The following DLGAP1 variants were observed in gnomAD, a reference collection of about 807,000 sequenced individuals.
DLGAP1 encodes the protein disks large-associated protein 1.
A neutral mutation model predicts 90.8 loss-of-function variants in DLGAP1; 11 were observed. The observed-to-expected ratio is 0.12, with a 90% CI of 0.08 to 0.20. The LOEUF is 0.20. DLGAP1 is among the 10% of genes least tolerant of loss of function. The pLI is 1.00. For missense variants in DLGAP1, 1,050 were observed against 1,333.8 expected (o/e 0.79, Z 3.31); for synonymous variants, 558 against 540.7 (o/e 1.03, Z -0.44).
chr18:3,807,970 AC>A (rs1221206740), intron 5 of DLGAP1, among the ~76,000 whole-genome samples: 1 of 152,162 alleles, frequency 6.6e-6, no homozygotes, highest in Non-Finnish European at 1.5e-5. Flanking sequence ...ATAGCAAGAA[AC>A]CAGGATTTGG....
At chr18:3,745,570 A>C (rs1348858972) in intron 5 of DLGAP1, among the ~76,000 whole-genome samples, 1 of 152,250 alleles carries the variant, frequency 6.6e-6, no homozygotes, top group Non-Finnish European at 1.5e-5. Flanking sequence ...CCACACGAAA[A>C]TTAAATGTGG....
intron 5 of DLGAP1, among the ~76,000 whole-genome samples, chr18:3,762,824 T>A (rs1316376349): frequency 6.6e-6 from 1 of 152,204 alleles, no homozygotes; most frequent in Non-Finnish European, 1.5e-5. Context: ...CTCTCCATAA[T>A]CTTGATGACT....
At chr18:4,106,980 G>T (rs2075879672) in intron 2 of DLGAP1, among the ~76,000 whole-genome samples, 1 of 152,186 alleles carries the variant, frequency 6.6e-6, no homozygotes, top group Non-Finnish European at 1.5e-5. Context: ...TCATGCCAAT[G>T]AACGTTCTCG....
chr18:3,661,312 CTA>C (rs2059672536), intron 7 of DLGAP1, among the ~76,000 whole-genome samples: 5 of 152,210 alleles, frequency 3.3e-5, no homozygotes, highest in African/African-American at 1.2e-4. Context: ...CAGGTGGAGG[CTA>C]TGTCTCCTCT....
intron 7 of DLGAP1, among the ~76,000 whole-genome samples, chr18:3,712,465 A>G (rs2061627004): frequency 6.6e-6 from 1 of 152,172 alleles, no homozygotes; most frequent in South Asian, 2.1e-4. Context: ...TCTCACCTGT[A>G]CCTGTTAACT....
Position 4,228,355 on chromosome 18 carries a change from T to C in DLGAP1, c.-266-77068A>G, listed in dbSNP as rs372398017. Among the ~76,000 whole-genome samples the C allele has an allele frequency of 1.4e-4, 21 of 152,104 alleles. 4 individuals are homozygous for C. Among genetic ancestry groups the C allele is most frequent in the East Asian group, 7.7e-4 (4 of 5,176 alleles). On this transcript the variant is annotated intron_variant, in intron 1 of 12. Transcript: ENST00000315677. ...ACCTCATTCTATGAGATCAGTATTGTCCTGATACCAAAACAAGACGAAGAC... is the reference window on the plus strand; with the variant it reads ...ACCTCATTCTATGAGATCAGTATTGCCCTGATACCAAAACAAGACGAAGAC...
At chr18:4,134,675 G>A (rs367874423) in intron 2 of DLGAP1, among the ~76,000 whole-genome samples, 2 of 152,096 alleles carry the variant, frequency 1.3e-5, no homozygotes, top group African/African-American at 4.8e-5. Context: ...TCCCAAAGGA[G>A]ATTAAAATGC....
chr18:3,514,202 G>A (rs1025952517), intron 10 of DLGAP1, among the ~76,000 whole-genome samples: 2 of 151,584 alleles, frequency 1.3e-5, no homozygotes, highest in African/African-American at 4.9e-5. Context: ...CAACTCCCGA[G>A]TTCAAGTGAT....
Position 4,198,471 on chromosome 18 carries a change from A to C in DLGAP1, c.-266-47184T>G, listed in dbSNP as rs537034359. Reference sequence around the variant, plus strand: ...AATGGGTCCACGAAACAATTAATAGATATTATTGAGAACATATTTGAATAA... The same window carrying C: ...AATGGGTCCACGAAACAATTAATAGCTATTATTGAGAACATATTTGAATAA... On this transcript the variant is annotated intron_variant, in intron 1 of 12. Coordinates refer to ENST00000315677, the MANE Select transcript of DLGAP1 (RefSeq NM_004746.4). Among the ~76,000 whole-genome samples the C allele has an allele frequency of 7.9e-4, 107 of 135,686 alleles. No individual in the cohort carries two copies. The South Asian group carries it at 0.013, about 17-fold the overall frequency. The allele number at this position is 135,686 out of a possible 152,430, so 89.0% of individuals were successfully genotyped here.
At chr18:3,552,601 A>C (rs565923951) in intron 9 of DLGAP1, among the ~76,000 whole-genome samples, 1 of 152,030 alleles carries the variant, frequency 6.6e-6, no homozygotes, top group South Asian at 2.1e-4. Flanking sequence ...GTGCCTCAAC[A>C]CTGTTTGTAT....
chr18:3,689,769 A>G (rs893385894), intron 7 of DLGAP1, among the ~76,000 whole-genome samples: 12 of 152,154 alleles, frequency 7.9e-5, no homozygotes, highest in African/African-American at 2.9e-4. Context: ...GTATGTCTTA[A>G]GAAAAAAAAA....
At chr18:4,240,368 C>T (rs1237833017) in intron 1 of DLGAP1, among the ~76,000 whole-genome samples, 1 of 151,862 alleles carries the variant, frequency 6.6e-6, no homozygotes, top group South Asian at 2.1e-4. Flanking sequence ...TTACCAAATA[C>T]ACTGCTAGAG....
chr18:3,811,230 T>C (rs1325363403), intron 5 of DLGAP1, among the ~76,000 whole-genome samples: 1 of 152,130 alleles, frequency 6.6e-6, no homozygotes, highest in Admixed American at 6.6e-5. Context: ...TGGAGGTAAG[T>C]GGAACTATGA....
At chr18:4,417,300 A>C (rs2082921810) in intron 1 of DLGAP1, among the ~76,000 whole-genome samples, 1 of 152,160 alleles carries the variant, frequency 6.6e-6, no homozygotes, top group Admixed American at 6.6e-5. Context: ...TTTGTTCTAG[A>C]AATAGATTTA....
chr18:4,261,817 T>C (rs985978154), intron 1 of DLGAP1, among the ~76,000 whole-genome samples: 1 of 152,120 alleles, frequency 6.6e-6, no homozygotes, highest in Non-Finnish European at 1.5e-5. Flanking sequence ...ATATACTAAG[T>C]GCCTACTGAG....
intron 1 of DLGAP1, among the ~76,000 whole-genome samples, chr18:4,363,318 G>T (rs2081672897): frequency 6.6e-6 from 1 of 152,118 alleles, no homozygotes; most frequent in African/African-American, 2.4e-5. Context: ...AAAAGCTGGG[G>T]CAGAATATCA....
intron 5 of DLGAP1, among the ~76,000 whole-genome samples, chr18:3,757,324 G>A (rs755936955): frequency 1.5e-4 from 23 of 152,130 alleles, no homozygotes; most frequent in Non-Finnish European, 2.4e-4. Context: ...CAGGAGAATC[G>A]CTTGAAACCG....
intron 1 of DLGAP1, among the ~76,000 whole-genome samples, chr18:4,399,755 A>G (rs984344749): frequency 2.6e-5 from 4 of 152,184 alleles, no homozygotes; most frequent in Admixed American, 6.5e-5. Context: ...ATAGAGAGAG[A>G]CATCTATTGG....
At chr18:3,947,319 T>C (rs1472418127) in intron 3 of DLGAP1, among the ~76,000 whole-genome samples, 1 of 152,270 alleles carries the variant, frequency 6.6e-6, no homozygotes, top group Non-Finnish European at 1.5e-5. Flanking sequence ...AAACTAGGCT[T>C]GTCTGATCAT....
Sources: gnomAD v4.1 joint callset for allele counts (sites outside exome capture counted in the v4.1 genomes callset) on GRCh38, gnomAD v4.1.1 for gene constraint, MANE v1.5 for transcripts, NCBI Gene and HGNC (gene_info 2026-07-23, HGNC 2026-07-21) for gene names.